The following CSMD1 variants were observed in gnomAD, a reference collection of about 807,000 sequenced individuals.
The protein encoded by CSMD1 is CUB and sushi domain-containing protein 1.
A neutral mutation model predicts 417.5 loss-of-function variants in CSMD1; 213 were observed. The observed-to-expected ratio is 0.51, with a 90% confidence interval of 0.46 to 0.57. The LOEUF (loss-of-function observed/expected upper bound fraction) is 0.57, where lower values mean the gene tolerates loss of function less well. Among genes scored for constraint, CSMD1 ranks in the 20% least tolerant of loss-of-function variants. The pLI is 0.00. For missense variants in CSMD1, 6,923 were observed against 4,529.7 expected (o/e 1.53, Z -15.17); for synonymous variants, 2,862 against 1,736.8 (o/e 1.65, Z -16.11).
intron 5 of CSMD1, among the ~76,000 whole-genome samples, chr8:3,875,029 G>C (rs143139091): frequency 6.6e-6 from 1 of 152,140 alleles, no homozygotes; most frequent in African/African-American, 2.4e-5. Flanking sequence ...CAAGCACAAA[G>C]GCTGGCATGA....
In CSMD1 at chr8:2,951,120, A is replaced by G. The variant is rs1320758043; in HGVS notation, c.10195T>C (p.Leu3399=). 1 of 1,612,266 alleles carries G rather than the reference A, an allele frequency of 6.2e-7. No individual in the cohort carries two copies. The highest frequency in any genetic ancestry group is 1.1e-5 in the South Asian group (1 of 90,896). ...TGAATTCTTCGGGACCTACCTGTCA[A>G]CTTCAGCTCCACTGGCGAGGCTTCG... is the stretch of plus-strand genomic sequence containing the variant. ...FSEASPVELK[L]TGIYKKEEAH... is the part of the protein sequence containing the mutation. Residue 3399 remains leucine, a synonymous_variant, in exon 66 of 70, where the codon TTG becomes CTG. Coordinates refer to ENST00000635120, the MANE Select transcript of CSMD1 (RefSeq NM_033225.6).
At chr8:4,243,981 G>A (rs1201636636) in intron 3 of CSMD1, among the ~76,000 whole-genome samples, 2 of 152,282 alleles carry the variant, frequency 1.3e-5, no homozygotes, top group East Asian at 1.9e-4. Flanking sequence ...GGTTACAGTG[G>A]CAGAATTTCA....
chr8:4,008,909 C>T (rs994562053), intron 4 of CSMD1, among the ~76,000 whole-genome samples: 1 of 152,146 alleles, frequency 6.6e-6, no homozygotes, highest in Non-Finnish European at 1.5e-5. Context: ...CGCGCCCAGT[C>T]TGATTCAGTA....
At chr8:3,700,879 A>T (rs1424086036) in intron 7 of CSMD1, among the ~76,000 whole-genome samples, 1 of 152,112 alleles carries the variant, frequency 6.6e-6, no homozygotes, top group South Asian at 2.1e-4. Context: ...TCTGGAGAAG[A>T]GGAAGGATGT....
Position 4,203,251 on chromosome 8 carries a change from A to AG in CSMD1, c.416-171153dup, listed in dbSNP as rs539096747. ...AGGCCACAAGCTCAGGAATGTTGGC[A>AG]GCCTGCAGAAGACTGCCCTGACTCC... is the stretch of plus-strand genomic sequence containing the variant. On this transcript the variant is annotated intron_variant, in intron 3 of 69. Transcript: ENST00000635120. 5.6e-4 allele frequency among the ~76,000 whole-genome samples: 85 copies of AG among 152,324 alleles called. 1 individual carries two copies. The South Asian group carries it at 0.013, about 23-fold the overall frequency.
chr8:3,491,965 G>A (rs1045845087), intron 11 of CSMD1, among the ~76,000 whole-genome samples: 4 of 152,178 alleles, frequency 2.6e-5, no homozygotes, highest in African/African-American at 4.8e-5. Flanking sequence ...AGAGGTCCCG[G>A]CCTCCACCCA....
At chr8:3,493,088 G>C (rs1042790826) in intron 11 of CSMD1, among the ~76,000 whole-genome samples, 2 of 152,042 alleles carry the variant, frequency 1.3e-5, no homozygotes, top group Non-Finnish European at 2.9e-5. Flanking sequence ...GAGGTCAGGA[G>C]TTCGAGACCA....
At chr8:3,551,718 T>C (rs937475747) in intron 10 of CSMD1, among the ~76,000 whole-genome samples, 32 of 151,986 alleles carry the variant, frequency 2.1e-4, no homozygotes, top group African/African-American at 7.0e-4. Context: ...GAAATAGTCA[T>C]TGTAGTCTGT....
intron 5 of CSMD1, among the ~76,000 whole-genome samples, chr8:3,949,401 T>G (rs1375833295): frequency 1.3e-5 from 2 of 152,200 alleles, no homozygotes; most frequent in Non-Finnish European, 2.9e-5. Flanking sequence ...TCTCAGACTA[T>G]TCTAACTATC....
chr8:3,871,550 A>G (rs1805483084), intron 5 of CSMD1, among the ~76,000 whole-genome samples: 1 of 152,084 alleles, frequency 6.6e-6, no homozygotes, highest in South Asian at 2.1e-4. Context: ...TTCTTAGTCT[A>G]TTAGGTTATT....
intron 7 of CSMD1, among the ~76,000 whole-genome samples, chr8:3,658,572 C>T (rs1338159553): frequency 6.6e-6 from 1 of 151,508 alleles, no homozygotes; most frequent in Non-Finnish European, 1.5e-5. Flanking sequence ...GACTTGAGGT[C>T]AGGAGTTTGA....
At chr8:4,692,742 C>A (rs538709773) in intron 1 of CSMD1, among the ~76,000 whole-genome samples, 54 of 152,334 alleles carry the variant, frequency 3.5e-4, no homozygotes, top group Admixed American at 2.3e-3. Context: ...TCAGGATGAT[C>A]TCACATCATG....
At chr8:4,301,937 C>G (rs1798001204) in intron 3 of CSMD1, among the ~76,000 whole-genome samples, 1 of 152,162 alleles carries the variant, frequency 6.6e-6, no homozygotes, top group Non-Finnish European at 1.5e-5. Context: ...GGGCTCTTTT[C>G]AAACTAATGC....
intron 1 of CSMD1, among the ~76,000 whole-genome samples, chr8:4,664,684 G>T (rs1286685084): frequency 6.6e-6 from 1 of 152,110 alleles, no homozygotes; most frequent in Non-Finnish European, 1.5e-5. Flanking sequence ...CAGGTTGGGA[G>T]CCATACACAG....
intron 5 of CSMD1, among the ~76,000 whole-genome samples, chr8:3,932,285 G>A (rs932372597): frequency 1.3e-5 from 2 of 150,586 alleles, no homozygotes; most frequent in South Asian, 4.3e-4. Flanking sequence ...GAATTCTCAA[G>A]AAGTTTTGTT....
At chr8:3,039,596 A>T (rs1254891039) in intron 50 of CSMD1, among the ~76,000 whole-genome samples, 1 of 151,262 alleles carries the variant, frequency 6.6e-6, no homozygotes, top group East Asian at 1.9e-4. Context: ...ATAAACTTCC[A>T]CCACTTGTAC....
chr8:2,965,042 T>A (rs1165405779), intron 59 of CSMD1, among the ~76,000 whole-genome samples: 1 of 152,172 alleles, frequency 6.6e-6, no homozygotes, highest in East Asian at 1.9e-4. Flanking sequence ...CTCCCCCTCT[T>A]CTTGTCCTTC....
At chr8:3,037,120 C>T (rs1366138384) in intron 50 of CSMD1, among the ~76,000 whole-genome samples, 2 of 152,198 alleles carry the variant, frequency 1.3e-5, no homozygotes, top group African/African-American at 4.8e-5. Context: ...TAATGGCCTC[C>T]AGCTCCATCC....
intron 1 of CSMD1, among the ~76,000 whole-genome samples, chr8:4,758,898 C>G (rs574978116): frequency 8.5e-5 from 13 of 152,276 alleles, no homozygotes; most frequent in Admixed American, 1.3e-4. Context: ...CAAAGCTTAA[C>G]CACATCATTC....
Sources: gnomAD v4.1 joint callset for allele counts (sites outside exome capture counted in the v4.1 genomes callset) on GRCh38, gnomAD v4.1.1 for gene constraint, MANE v1.5 for transcripts, NCBI Gene and HGNC (gene_info 2026-07-23, HGNC 2026-07-21) for gene names.